The following FRMD4B variants were observed in gnomAD, a reference collection of about 807,000 sequenced individuals.
FRMD4B encodes the protein FERM domain-containing protein 4B.
A neutral mutation model predicts 141.5 loss-of-function variants in FRMD4B; 74 were observed. The observed-to-expected ratio is 0.52, with a 90% CI of 0.43 to 0.63. The LOEUF is 0.63. Ranked by LOEUF, FRMD4B falls within the 30% of genes least tolerant of loss-of-function variation. The pLI is 0.00. For missense variants in FRMD4B, 1,366 were observed against 1,253.4 expected (o/e 1.09, Z -1.36); for synonymous variants, 506 against 467.9 (o/e 1.08, Z -1.05).
intron 5 of FRMD4B, among the ~76,000 whole-genome samples, chr3:69,258,389 T>C (rs1039475336): frequency 6.6e-6 from 1 of 152,214 alleles, no homozygotes; most frequent in African/African-American, 2.4e-5. Flanking sequence ...CAGAACAAGA[T>C]AGCAAAATCA....
At chr3:69,237,369 C>A (rs542692333) in intron 7 of FRMD4B, among the ~76,000 whole-genome samples, 1 of 152,224 alleles carries the variant, frequency 6.6e-6, no homozygotes, top group Non-Finnish European at 1.5e-5. Flanking sequence ...AGACCTTAAA[C>A]CAAGTCAGGT....
chr3:69,225,572 A>G (rs113561885), intron 7 of FRMD4B, among the ~76,000 whole-genome samples: 33 of 147,958 alleles, frequency 2.2e-4, no homozygotes, highest in Non-Finnish European at 8.9e-5. Flanking sequence ...GTGGGTGCCT[A>G]TAGTCCCAGC....
At chr3:69,196,681 G>A (rs565847240) in intron 13 of FRMD4B, 2 of 576,268 alleles carry the variant, frequency 3.5e-6, no homozygotes, top group East Asian at 2.9e-5. Context: ...ATATACAAAC[G>A]TGCATGCCAA....
chr3:69,200,879 T>C (rs998268210), intron 11 of FRMD4B: 3 of 458,330 alleles, frequency 6.5e-6, no homozygotes, highest in Admixed American at 2.4e-5. Flanking sequence ...TTTGCGTCCA[T>C]TCCCACACAC....
rs1405326441 is a variant in FRMD4B, at chr3:69,189,953, C to G, written c.1715-1G>C. On this transcript the variant is annotated splice_acceptor_variant, in intron 17 of 22. Transcript: ENST00000398540. LOFTEE classifies it high-confidence loss of function. ...CTACTCTCTGAGGGGATTATGTCTT[C>G]TGTGAATAAAAATAACTGCCTTTAG... is the stretch of plus-strand genomic sequence containing the variant. 13 of 1,576,942 alleles carry G rather than the reference C, an allele frequency of 8.2e-6. No homozygotes were observed. Among genetic ancestry groups the G allele is most frequent in the Non-Finnish European group, 1.1e-5 (13 of 1,147,024 alleles).
Position 69,169,375 on chromosome 3 carries a change from T to TTTTTTTTTTTTTC in FRMD4B, c.*2485_*2486insGAAAAAAAAAAAA, listed in dbSNP as rs1553691449. Among the ~76,000 whole-genome samples the TTTTTTTTTTTTTC allele has an allele frequency of 4.0e-5, 5 of 124,598 alleles. No homozygotes were observed. The highest frequency in any genetic ancestry group is 1.7e-5 in the Non-Finnish European group (1 of 59,448). The allele number at this position is 124,598 out of a possible 152,430, so 81.7% of individuals were successfully genotyped here. A position where few individuals can be genotyped will look rare whatever the true frequency, so the allele number is the denominator to read the frequency against. Reference sequence around the variant, plus strand: ...TTTCTTTTTTTTTTTTTTTTTTTTTTCTTGAGACAAGGTCTGTTATTGCCT... The same window carrying TTTTTTTTTTTTTC: ...TTTCTTTTTTTTTTTTTTTTTTTTTTTTTTTTTTTTTTCCTTGAGACAAGGTCTGTTATTGCCT... On this transcript the variant is annotated 3_prime_UTR_variant, in exon 23 of 23. Coordinates refer to ENST00000398540, the MANE Select transcript of FRMD4B (RefSeq NM_015123.3).
At chr3:69,372,643 TA>T (rs1326141784) in intron 1 of FRMD4B, among the ~76,000 whole-genome samples, 3 of 152,078 alleles carry the variant, frequency 2.0e-5, no homozygotes, top group Non-Finnish European at 4.4e-5. Flanking sequence ...CCAGCCTGGG[TA>T]ACAGAGCAGG....
chr3:69,466,113 GT>G (rs1705782812), intron 1 of FRMD4B, among the ~76,000 whole-genome samples: 2 of 151,922 alleles, frequency 1.3e-5, no homozygotes, highest in Admixed American at 1.3e-4. Context: ...TCTCACTGTG[GT>G]TTTGATTTGC....
At chr3:69,328,333 C>T (rs762916893) in intron 1 of FRMD4B, among the ~76,000 whole-genome samples, 9 of 152,214 alleles carry the variant, frequency 5.9e-5, no homozygotes, top group Admixed American at 3.3e-4. Flanking sequence ...TGCTACTGCT[C>T]GTCTCTTCCC....
intron 2 of FRMD4B, among the ~76,000 whole-genome samples, chr3:69,312,743 A>G (rs1044347806): frequency 6.6e-6 from 1 of 152,176 alleles, no homozygotes; most frequent in African/African-American, 2.4e-5. Context: ...TACTAAAAAT[A>G]CAAAAATTAC....
chr3:69,258,136 T>C (rs893948057), intron 5 of FRMD4B, among the ~76,000 whole-genome samples: 2 of 152,160 alleles, frequency 1.3e-5, no homozygotes, highest in Non-Finnish European at 2.9e-5. Flanking sequence ...GCCATAATTA[T>C]TGTATTTTTT....
chr3:69,260,654 T>A (rs1246054784), intron 5 of FRMD4B, among the ~76,000 whole-genome samples: 1 of 152,240 alleles, frequency 6.6e-6, no homozygotes, highest in Non-Finnish European at 1.5e-5. Context: ...GGTGCGGGAC[T>A]GGCGGGAAAC....
At chr3:69,516,858 C>T (rs897344203) in intron 1 of FRMD4B, among the ~76,000 whole-genome samples, 2 of 152,338 alleles carry the variant, frequency 1.3e-5, no homozygotes, top group Admixed American at 6.5e-5. Flanking sequence ...GAACAGAGCT[C>T]TAACAGTGTG....
chr3:69,504,721 T>C (rs1706566915), intron 1 of FRMD4B, among the ~76,000 whole-genome samples: 1 of 152,202 alleles, frequency 6.6e-6, no homozygotes, highest in Non-Finnish European at 1.5e-5. Flanking sequence ...AATGGATATT[T>C]GGGTTGTTTC....
At chr3:69,262,435 A>T (rs1006218893) in intron 5 of FRMD4B, among the ~76,000 whole-genome samples, 1 of 151,636 alleles carries the variant, frequency 6.6e-6, no homozygotes, top group Non-Finnish European at 1.5e-5. Context: ...TGTAATAATC[A>T]AATACTGCAA....
chr3:69,382,530 T>C (rs571402340), intron 1 of FRMD4B, among the ~76,000 whole-genome samples: 90 of 152,312 alleles, frequency 5.9e-4, no homozygotes, highest in African/African-American at 2.1e-3. Flanking sequence ...ATATATTGCA[T>C]GTATATTCGT....
chr3:69,207,307 T>TAA (rs11389016), intron 11 of FRMD4B, among the ~76,000 whole-genome samples: 13,114 of 136,804 alleles, frequency 0.096, 668 homozygotes, highest in Middle Eastern at 0.12. Context: ...CCTATGTCTT[T>TAA]AAAAAAAAAA....
At chr3:69,462,062 T>C (rs2315490) in intron 1 of FRMD4B, among the ~76,000 whole-genome samples, 149,736 of 152,312 alleles carry the variant, frequency 0.98, 73,612 homozygotes, top group East Asian at 1. Context: ...AAAAAGCAGA[T>C]GCTGAGACAA....
chr3:69,183,950 G>T (rs1296649605), intron 19 of FRMD4B, among the ~76,000 whole-genome samples: 1 of 151,596 alleles, frequency 6.6e-6, no homozygotes, highest in Non-Finnish European at 1.5e-5. Flanking sequence ...GGCTTGAGGA[G>T]AGTGGCACAA....
Sources: gnomAD v4.1 joint callset for allele counts (sites outside exome capture counted in the v4.1 genomes callset) on GRCh38, gnomAD v4.1.1 for gene constraint, MANE v1.5 for transcripts, NCBI Gene and HGNC (gene_info 2026-07-23, HGNC 2026-07-21) for gene names.